FAR2: variants seen among roughly 807,000 people sequenced by gnomAD.
The protein encoded by FAR2 is fatty acyl-CoA reductase 2, also known as epididymis secretory protein Li 81.
A neutral mutation model predicts 56.0 loss-of-function variants in FAR2; 19 were observed. That is an observed-to-expected ratio of 0.34 (90% CI 0.24 to 0.50). The LOEUF (loss-of-function observed/expected upper bound fraction) is 0.50. Ranked by LOEUF, FAR2 falls within the 20% of genes least tolerant of loss-of-function variation. FAR2 has a pLI of 0.98. For missense variants in FAR2, 508 were observed against 642.2 expected (o/e 0.79, Z 2.26); for synonymous variants, 219 against 218.8 (o/e 1.00, Z -0.01).
intron 1 of FAR2, among the ~76,000 whole-genome samples, chr12:29,243,902 G>A: frequency 6.6e-6 from 1 of 152,206 alleles, no homozygotes; most frequent in Non-Finnish European, 1.5e-5. Context: ...TAAAAGATGA[G>A]AGACAAAGCA....
rs1312548130 is a variant in FAR2 at position 29,329,112 on chromosome 12, C to A, written c.1258-3488C>A. Among the ~76,000 whole-genome samples, 11 of 152,064 alleles carry A rather than the reference C, an allele frequency of 7.2e-5. 1 individual carries two copies. The highest frequency in any genetic ancestry group is 7.2e-4 in the Admixed American group (11 of 15,272). On this transcript the variant is annotated intron_variant, in intron 10 of 11. Transcript: ENST00000536681. ...ATATTTTATCTGAAATCATTGCTCCCTCTCAAAGTGACATGAAATAGTTAT... is the reference window on the plus strand; with the variant it reads ...ATATTTTATCTGAAATCATTGCTCCATCTCAAAGTGACATGAAATAGTTAT...
At chr12:29,218,141 G>C (rs1249663415) in intron 1 of FAR2, among the ~76,000 whole-genome samples, 1 of 152,140 alleles carries the variant, frequency 6.6e-6, no homozygotes, top group Non-Finnish European at 1.5e-5. Context: ...AGGATCACAA[G>C]GTCAGGAGAT....
In FAR2 at chr12:29,175,773, G is replaced by A. The variant is rs185940314; in HGVS notation, c.-39+26366G>A. 2.5e-3 allele frequency among the ~76,000 whole-genome samples: 373 copies of A among 152,070 alleles called. 3 individuals carry two copies. The highest frequency in any genetic ancestry group is 2.1e-3 in the Non-Finnish European group (144 of 67,998). ...ACAATCCTTTAGCGAGACCCAGAGC[G>A]CTGATTGGTGCATTTTTACAGAGTG... On this transcript the variant is annotated intron_variant, in intron 1 of 11. Coordinates refer to ENST00000536681, the MANE Select transcript of FAR2 (RefSeq NM_001271783.2).
At chr12:29,206,942 G>A (rs941139964) in intron 1 of FAR2, among the ~76,000 whole-genome samples, 3 of 151,988 alleles carry the variant, frequency 2.0e-5, no homozygotes, top group East Asian at 1.9e-4. Flanking sequence ...GCCACCAGCC[G>A]GGCACAGAAG....
chr12:29,252,559 CAT>C (rs1333609491), intron 1 of FAR2, among the ~76,000 whole-genome samples: 2 of 152,142 alleles, frequency 1.3e-5, no homozygotes, highest in Non-Finnish European at 2.9e-5. Context: ...TATCATGCAA[CAT>C]GTGTCGACTT....
At chr12:29,215,032 T>C (rs954148939) in intron 1 of FAR2, among the ~76,000 whole-genome samples, 1 of 151,994 alleles carries the variant, frequency 6.6e-6, no homozygotes. Flanking sequence ...AGTATAATAT[T>C]CAAAGAAGAG....
intron 4 of FAR2, among the ~76,000 whole-genome samples, chr12:29,299,438 C>A (rs538013462): frequency 6.6e-6 from 1 of 152,168 alleles, no homozygotes; most frequent in South Asian, 2.1e-4. Context: ...ATATGTCAAC[C>A]AGACAAGGCA....
At chr12:29,159,623 C>A (rs984798876) in intron 1 of FAR2, among the ~76,000 whole-genome samples, 3 of 151,848 alleles carry the variant, frequency 2.0e-5, no homozygotes, top group African/African-American at 7.3e-5. Context: ...AAACAATGTT[C>A]TTGATTCACC....
chr12:29,151,094 A>C (rs1949678343), intron 1 of FAR2, among the ~76,000 whole-genome samples: 1 of 152,224 alleles, frequency 6.6e-6, no homozygotes, highest in Admixed American at 6.5e-5. Context: ...CTGAGGAAGA[A>C]GCATTCTTGA....
intron 2 of FAR2, among the ~76,000 whole-genome samples, chr12:29,286,118 T>A (rs1948872746): frequency 6.6e-6 from 1 of 151,838 alleles, no homozygotes; most frequent in Admixed American, 6.6e-5. Flanking sequence ...AGCTTTCTGA[T>A]CAGCAGTTTT....
At chr12:29,313,265 C>A (rs1402540295) in intron 8 of FAR2, among the ~76,000 whole-genome samples, 2 of 152,092 alleles carry the variant, frequency 1.3e-5, no homozygotes, top group Admixed American at 6.6e-5. Flanking sequence ...ATGCTATCAA[C>A]CTGTGCATAA....
chr12:29,287,439 A>G lies in FAR2; in HGVS notation c.190-5861A>G, dbSNP rs1948896538. Among the ~76,000 whole-genome samples the G allele has an allele frequency of 2.6e-5, 4 of 152,316 alleles. No homozygotes were observed. In the South Asian group the frequency reaches 8.3e-4, roughly 32 times the overall value. On this transcript the variant is annotated intron_variant, in intron 2 of 11. Transcript: ENST00000536681. ...ATTGGGTATAATGGTTTTTGCTTAA[A>G]TTAACGAACTTATTTGTGTTTGTTT...
intron 2 of FAR2, among the ~76,000 whole-genome samples, chr12:29,288,734 G>A (rs1948913135): frequency 6.6e-6 from 1 of 152,126 alleles, no homozygotes. Context: ...GTCGCTATCT[G>A]CTATCTCTCA....
chr12:29,264,019 A>C (rs1042861997), intron 1 of FAR2, among the ~76,000 whole-genome samples: 1 of 152,176 alleles, frequency 6.6e-6, no homozygotes, highest in African/African-American at 2.4e-5. Flanking sequence ...ATAAAAGGAA[A>C]GTAGGAAAAC....
intron 1 of FAR2, among the ~76,000 whole-genome samples, chr12:29,161,449 G>A (rs1309294266): frequency 6.6e-6 from 1 of 152,160 alleles, no homozygotes; most frequent in Non-Finnish European, 1.5e-5. Flanking sequence ...TTATGTTTGT[G>A]AGATCTTTCA....
intron 1 of FAR2, among the ~76,000 whole-genome samples, chr12:29,174,715 C>T (rs954035500): frequency 2.3e-4 from 35 of 152,248 alleles, no homozygotes; most frequent in African/African-American, 7.2e-4. Context: ...CCAACGCACC[C>T]GGCCAGGAGT....
At chr12:29,150,958 G>T (rs1014407949) in intron 1 of FAR2, among the ~76,000 whole-genome samples, 1 of 152,156 alleles carries the variant, frequency 6.6e-6, no homozygotes, top group African/African-American at 2.4e-5. Flanking sequence ...GCTAAAATGT[G>T]ACATCCAGTT....
rs117406668 is a variant in FAR2, at chr12:29,258,496, A to G, written c.-38-11916A>G. 6.8e-3 allele frequency among the ~76,000 whole-genome samples: 1,042 copies of G among 152,350 alleles called. 9 individuals carry two copies. Among genetic ancestry groups the G allele is most frequent in the Non-Finnish European group, 8.6e-3 (587 of 68,026 alleles). On this transcript the variant is annotated intron_variant, in intron 1 of 11. Coordinates refer to ENST00000536681, the MANE Select transcript of FAR2 (RefSeq NM_001271783.2). ...AATTATTGAAAGAATTTCAATGTTT[A>G]ATTTTGATGAACAGAACAACTTCCA...
chr12:29,293,465 G>A lies in FAR2; in HGVS notation c.355G>A (p.Asp119Asn), dbSNP rs759108670. Reference sequence around the variant, plus strand: ...CTGTGCAGCCACTGTACGCTTTGACGACACTCTCAGGTACATTCCCATTTC... The same window carrying A: ...CTGTGCAGCCACTGTACGCTTTGACAACACTCTCAGGTACATTCCCATTTC... Reference protein sequence around the residue: ...FHCAATVRFDDTLRHAVQLNV... With the variant: ...FHCAATVRFDNTLRHAVQLNV... Residue 119 changes from aspartate (D) to asparagine (N), a missense_variant, in exon 3 of 12, where the codon GAC becomes AAC. Transcript: ENST00000536681. 1.5e-5 allele frequency: 24 copies of A among 1,569,596 alleles called. No homozygotes were observed. Among genetic ancestry groups the A allele is most frequent in the Non-Finnish European group, 1.8e-5 (21 of 1,158,358 alleles).
Sources: gnomAD v4.1 joint callset for allele counts (sites outside exome capture counted in the v4.1 genomes callset) on GRCh38, gnomAD v4.1.1 for gene constraint, MANE v1.5 for transcripts, NCBI Gene and HGNC (gene_info 2026-07-23, HGNC 2026-07-21) for gene names.